The following NEK3 variants were observed in gnomAD, a reference collection of about 807,000 sequenced individuals.
NEK3 encodes the protein serine/threonine-protein kinase Nek3.
Under a neutral mutation model 66.0 loss-of-function variants are expected in NEK3, and 54 were observed. The observed-to-expected ratio is 0.82, with a 90% CI of 0.66 to 1.03. The LOEUF (loss-of-function observed/expected upper bound fraction) is 1.03. Ranked by LOEUF, NEK3 falls within the 50% of genes least tolerant of loss-of-function variation. NEK3 has a pLI of 0.00. For synonymous variants in NEK3, 200 were observed against 206.2 expected, an observed-to-expected ratio of 0.97 and a Z score of 0.26; for missense variants, 593 against 603.0, an observed-to-expected ratio of 0.98 and a Z score of 0.17.
chr13:52,140,019 T>G (rs1277525088), intron 11 of NEK3, among the ~76,000 whole-genome samples: 1 of 103,822 alleles, frequency 9.6e-6, no homozygotes. Context: ...CCAGGTAACA[T>G]AGCAAAATCC....
chr13:52,159,807 A>G (rs1182731025), upstream of NEK3: 2 of 152,262 alleles, frequency 1.3e-5, no homozygotes, highest in African/African-American at 2.4e-5. Context: ...AAGCCTATGT[A>G]GATAAATTTC....
At chr13:52,149,634 C>T (rs962850992) in intron 7 of NEK3, among the ~76,000 whole-genome samples, 1 of 152,094 alleles carries the variant, frequency 6.6e-6, no homozygotes, top group Non-Finnish European at 1.5e-5. Context: ...CTTTGGGAGG[C>T]CGAGCCGGGC....
intron 1 of NEK3, among the ~76,000 whole-genome samples, chr13:52,158,261 C>T (rs1199969071): frequency 6.6e-6 from 1 of 152,226 alleles, no homozygotes; most frequent in Non-Finnish European, 1.5e-5. Flanking sequence ...ACTAAAACCT[C>T]TACTATAGTG....
In NEK3 at chr13:52,151,309, G is replaced by A. The variant is rs757432458; in HGVS notation, c.461+16C>T. ...TGTTTTGATTACTGTCACTACCGTAGAACAGACATACATACTTGGAGAGAA... is the reference window on the plus strand; with the variant it reads ...TGTTTTGATTACTGTCACTACCGTAAAACAGACATACATACTTGGAGAGAA... On this transcript the variant is annotated intron_variant, in intron 6 of 15. Coordinates refer to ENST00000610828, the MANE Select transcript of NEK3 (RefSeq NM_002498.3). 1.9e-6 allele frequency: 3 copies of A among 1,597,306 alleles called. No individual in the cohort carries two copies. The highest frequency in any genetic ancestry group is 2.7e-5 in the African/African-American group (2 of 74,730).
intron 11 of NEK3, among the ~76,000 whole-genome samples, chr13:52,138,791 C>A (rs1956225478): frequency 6.6e-6 from 1 of 151,998 alleles, no homozygotes; most frequent in Non-Finnish European, 1.5e-5. Flanking sequence ...ATTATCCGGG[C>A]ATGGTGGCAT....
intron 10 of NEK3, 124 bp from the exon 11 acceptor site, chr13:52,141,193 C>T (rs2138195328): frequency 1.4e-6 from 1 of 717,464 alleles, no homozygotes; most frequent in Non-Finnish European, 2.2e-6. Context: ...AGAGCCAAAG[C>T]TCTCTGATAT....
At chr13:52,155,955 G>C (rs541420547) in intron 2 of NEK3, 120 bp downstream of exon 2, 1 of 553,062 alleles carries the variant, frequency 1.8e-6, no homozygotes, top group South Asian at 2.3e-5. Context: ...TGATCTACCC[G>C]CCTCCACCTC....
chr13:52,134,978 C>A (rs1337224225), intron 14 of NEK3, among the ~76,000 whole-genome samples: 1 of 152,100 alleles, frequency 6.6e-6, no homozygotes, highest in Non-Finnish European at 1.5e-5. Flanking sequence ...CAAATAAATA[C>A]AACTACATCG....
At position 52,133,002 on chromosome 13, in the gene NEK3, C is replaced by T. The variant is rs139968665; in HGVS notation, c.*140G>A. ...TCAAACTCACGATACTAATCAAGAACGATTTTAAGTATTAAGAGTTTCCTC... is the reference window on the plus strand; with the variant it reads ...TCAAACTCACGATACTAATCAAGAATGATTTTAAGTATTAAGAGTTTCCTC... On this transcript the variant is annotated 3_prime_UTR_variant, in exon 16 of 16. Coordinates refer to ENST00000610828, the MANE Select transcript of NEK3 (RefSeq NM_002498.3). The T allele has an allele frequency of 3.2e-4, 224 of 691,638 alleles. No individual in the cohort carries two copies. The East Asian group carries it at 5.3e-3, about 16-fold the overall frequency. 42.8% of individuals were successfully genotyped at this position (691,638 alleles called of 1,614,324 possible).
rs559758119 is a variant in NEK3 at position 52,136,795 on chromosome 13, C to T, written c.1030+5G>A. The T allele has an allele frequency of 1.3e-6, 2 of 1,535,218 alleles. No homozygotes were observed. Among genetic ancestry groups the T allele is most frequent in the East Asian group, 2.4e-5 (1 of 41,736 alleles). On this transcript the variant is annotated splice_donor_5th_base_variant and intron_variant, in intron 12 of 15. Transcript: ENST00000610828. ...TAAGAAATGATTAGAATTTGAATAACTTACCTTTTTCTTCTCTGTTTACTC... is the reference window on the plus strand; with the variant it reads ...TAAGAAATGATTAGAATTTGAATAATTTACCTTTTTCTTCTCTGTTTACTC...
At chr13:52,148,610 A>T (rs1956313680) in intron 7 of NEK3, 141 bp from the exon 8 acceptor site, 2 of 664,670 alleles carry the variant, frequency 3.0e-6, no homozygotes, top group Non-Finnish European at 5.1e-6. Flanking sequence ...TAACACCTAG[A>T]TACTTCCTAA....
At chr13:52,141,952 T>A (rs945513402) in intron 10 of NEK3, among the ~76,000 whole-genome samples, 1 of 146,820 alleles carries the variant, frequency 6.8e-6, no homozygotes, top group Non-Finnish European at 1.5e-5. Context: ...CCAGGTATGG[T>A]GGCGCATGCC....
At chr13:52,150,987 A>G (rs944320750) in intron 7 of NEK3, among the ~76,000 whole-genome samples, 159 bp downstream of exon 7, 1 of 152,236 alleles carries the variant, frequency 6.6e-6, no homozygotes, top group Admixed American at 6.5e-5. Context: ...ATAGATTAGC[A>G]ATATAGATTC....
Position 52,141,083 on chromosome 13 carries a change from G to C in NEK3, c.878-14C>G. 7 of 1,592,066 alleles carry C rather than the reference G, an allele frequency of 4.4e-6. No homozygotes were observed. Among genetic ancestry groups the C allele is most frequent in the Non-Finnish European group, 6.0e-6 (7 of 1,168,618 alleles). On this transcript the variant is annotated splice_polypyrimidine_tract_variant and intron_variant, in intron 10 of 15. Coordinates refer to ENST00000610828, the MANE Select transcript of NEK3 (RefSeq NM_002498.3). ...TGCTGGGGTTTGCTTTTAAAAGAGA[G>C]AGAGAAGGTAGAAAGATAAAACACA...
At chr13:52,156,757 A>G (rs1469742058) in intron 1 of NEK3, 1 of 152,304 alleles carries the variant, frequency 6.6e-6, no homozygotes, top group Non-Finnish European at 1.5e-5. Flanking sequence ...CTTTACATTT[A>G]TGCATAAACC....
rs763187085 is a variant in NEK3 at position 52,132,780 on chromosome 13, T to G, written c.*362A>C. The G allele has an allele frequency of 5.0e-6, 1 of 199,738 alleles. No homozygotes were observed. Among genetic ancestry groups the G allele is most frequent in the Non-Finnish European group, 1.0e-5 (1 of 97,438 alleles). 12.4% of individuals were successfully genotyped at this position (199,738 alleles called of 1,614,324 possible). On this transcript the variant is annotated 3_prime_UTR_variant, in exon 16 of 16. Transcript: ENST00000610828. The stretch of plus-strand genomic sequence containing the variant: ...GTCTGTGGTCAGCATCCCTCTGAGG[T>G]AGGCATTATTATCTTCATTTTATGG...
intron 7 of NEK3, among the ~76,000 whole-genome samples, chr13:52,150,649 T>A (rs112159073): frequency 8.3e-6 from 1 of 120,586 alleles, no homozygotes; most frequent in African/African-American, 2.8e-5. Context: ...ATTAACCTCC[T>A]GCAATCAACT....
intron 5 of NEK3, 64 bp from the exon 6 acceptor site, chr13:52,151,456 T>C: frequency 2.1e-6 from 3 of 1,415,628 alleles, no homozygotes; most frequent in Non-Finnish European, 2.9e-6. Context: ...AGATAAGCTG[T>C]CTTCCAAAGC....
At chr13:52,144,979 AT>A in intron 8 of NEK3, 88 bp from the exon 9 acceptor site, 1 of 877,528 alleles carries the variant, frequency 1.1e-6, no homozygotes, top group Non-Finnish European at 1.8e-6. Context: ...TTCTAATTTT[AT>A]AAACATATCT....
Sources: allele counts gnomAD v4.1 joint callset (sites outside exome capture counted in the v4.1 genomes callset), GRCh38; gene constraint gnomAD v4.1.1; transcripts MANE v1.5; gene names NCBI Gene and HGNC (gene_info 2026-07-23, HGNC 2026-07-21).